Variants in MRC2 observed in about 807,000 individuals in gnomAD.
The protein encoded by MRC2 is mannose receptor C-type 2.
MRC2 carries 84 observed loss-of-function variants against 206.2 expected under a neutral mutation model. The observed-to-expected ratio is 0.41, with a 90% confidence interval of 0.34 to 0.49. The LOEUF (loss-of-function observed/expected upper bound fraction) is 0.49. Among genes scored for constraint, MRC2 ranks in the 20% least tolerant of loss-of-function variants. The pLI, the probability that MRC2 is intolerant of heterozygous loss-of-function variation, is 0.31. For synonymous variants in MRC2, 798 were observed against 800.0 expected (o/e 1.00, Z 0.04); for missense variants, 1,676 against 2,001.5 (o/e 0.84, Z 3.10).
intron 12 of MRC2, 33 bp downstream of exon 12, chr17:62,677,519 G>T (rs2088909440): frequency 1.9e-6 from 3 of 1,546,948 alleles, no homozygotes; most frequent in Non-Finnish European, 2.6e-6. Flanking sequence ...TAGGGGGCAG[G>T]GGGAGGACAG....
chr17:62,627,983 C>T (rs1256309681), intron 1 of MRC2, 63 bp downstream of exon 1: 3 of 1,139,792 alleles, frequency 2.6e-6, no homozygotes, highest in East Asian at 6.4e-5. Flanking sequence ...AGGCGCGGGC[C>T]GCTCTCGACT....
At position 62,664,804 on chromosome 17, in the gene MRC2, A is replaced by C; in HGVS notation, c.375A>C (p.Thr125=). The C allele has an allele frequency of 6.2e-7, 1 of 1,613,920 alleles. No homozygotes were observed. The highest frequency in any genetic ancestry group is 1.1e-5 in the South Asian group (1 of 91,080). Residue 125 remains threonine (T), a synonymous_variant, in exon 2 of 30, where the codon ACA becomes ACC. Coordinates refer to ENST00000303375, the MANE Select transcript of MRC2 (RefSeq NM_006039.5). This position sits in a 1 kb window ranked among gnomAD's most constrained non-coding sequence, Gnocchi z 4.7. Reference sequence around the variant, plus strand: ...TGAATCTTCGCTGGCATTGTCGTACACTGGGTGACCAGCTGTCCTTGCTCC... The same window carrying C: ...TGAATCTTCGCTGGCATTGTCGTACCCTGGGTGACCAGCTGTCCTTGCTCC... ...EALNLRWHCR[T]LGDQLSLLLG...
chr17:62,675,929 A>G lies in MRC2; in HGVS notation c.1685+24A>G, dbSNP rs2088886707. 1.3e-6 allele frequency: 2 copies of G among 1,597,962 alleles called. No homozygotes were observed. The highest frequency in any genetic ancestry group is 1.3e-5 in the African/African-American group (1 of 74,594). ...AGGTACAGCAGGGGCGGGTGCCCTG[A>G]CTAGCCCTTGCCCATGTCTGGGCCT... On this transcript the variant is annotated intron_variant, in intron 10 of 29. Transcript: ENST00000303375. This position sits in a 1 kb window ranked among gnomAD's most constrained non-coding sequence, Gnocchi z 4.1.
chr17:62,638,777 G>A (rs1250105542), intron 1 of MRC2, among the ~76,000 whole-genome samples: 1 of 150,202 alleles, frequency 6.7e-6, no homozygotes, highest in Non-Finnish European at 1.5e-5. Context: ...AATTAGCCAG[G>A]CGTGGTGGTG....
intron 20 of MRC2, among the ~76,000 whole-genome samples, chr17:62,687,449 C>T (rs534174615): frequency 6.6e-6 from 1 of 152,148 alleles, no homozygotes; most frequent in African/African-American, 2.4e-5. Context: ...TGTGAGCCAC[C>T]GTGCCTGGCC....
At chr17:62,682,738 T>C (rs1158155330) in intron 20 of MRC2, among the ~76,000 whole-genome samples, 1 of 150,584 alleles carries the variant, frequency 6.6e-6, no homozygotes, top group Non-Finnish European at 1.5e-5. Flanking sequence ...GCTTCCTGGG[T>C]TCAACCAATT....
chr17:62,658,418 C>T (rs573341405), intron 1 of MRC2, among the ~76,000 whole-genome samples: 19 of 152,292 alleles, frequency 1.2e-4, no homozygotes, highest in African/African-American at 4.6e-4. Flanking sequence ...AGCTGTGCCT[C>T]ATGTGACAAA....
chr17:62,680,570 G>T lies in MRC2; in HGVS notation c.2473+117G>T. 1 of 1,459,774 alleles carries T rather than the reference G, an allele frequency of 6.9e-7. No homozygotes were observed. The allele number at this position is 1,459,774 out of a possible 1,614,324, so 90.4% of individuals were successfully genotyped here. ...GGATGAGGAGTTCCGGTCGAGAGAA[G>T]GGGGACGGGGTTGGCTCGGACGGAG... On this transcript the variant is annotated intron_variant, in intron 16 of 29. Coordinates refer to ENST00000303375, the MANE Select transcript of MRC2 (RefSeq NM_006039.5). The surrounding 1 kb of genome is among the most constrained non-coding windows in gnomAD (Gnocchi z 4.8).
intron 1 of MRC2, among the ~76,000 whole-genome samples, chr17:62,629,235 G>GCCT (rs1417206150): frequency 1.3e-5 from 2 of 152,182 alleles, no homozygotes; most frequent in Non-Finnish European, 2.9e-5. Context: ...GCCTCAGGAG[G>GCCT]CAGGCGGTGG....
rs1369025756 is a variant in MRC2, at chr17:62,688,364, G to A, written c.3022G>A (p.Glu1008Lys). The A allele has an allele frequency of 6.2e-7, 1 of 1,614,098 alleles. No individual in the cohort carries two copies. Among genetic ancestry groups the A allele is most frequent in the Non-Finnish European group, 8.5e-7 (1 of 1,180,042 alleles). The change falls in exon 21 of 30, where the codon GAG becomes AAG. Residue 1008 changes from glutamate to lysine, a missense_variant. Glu to Lys is a moderately conservative substitution (Grantham distance 56). This residue lies in a region of MRC2 where 1,354 missense variants were observed against 1,636.6 expected (regional missense o/e 0.83). Transcript: ENST00000303375. The part of the protein sequence containing the change: ...SEAQFSCEQQ[E>K]AQLVTITNPL... ...GGCACAGTTCTCCTGTGAACAGCAA[G>A]AGGCCCAGCTGGTCACCATCACAAA...
At chr17:62,665,044 T>A (rs754302518) in intron 2 of MRC2, 95 bp downstream of exon 2, 15 of 1,338,526 alleles carry the variant, frequency 1.1e-5, no homozygotes, top group Non-Finnish European at 1.5e-5. Flanking sequence ...GCCTTTGGCC[T>A]CTGTGGACCC....
chr17:62,690,488 A>C (rs545521270), intron 26 of MRC2, among the ~76,000 whole-genome samples, 154 bp from the exon 27 acceptor site: 9 of 151,928 alleles, frequency 5.9e-5, no homozygotes, highest in African/African-American at 1.9e-4. Flanking sequence ...CTGCCCCCCC[A>C]CACACTTGCA....
rs756780814 is a variant in MRC2 at position 62,677,368 on chromosome 17, G to A, written c.1934G>A (p.Arg645Gln). Residue 645 changes from arginine (R) to glutamine (Q), a missense_variant, in exon 12 of 30, where the codon CGG becomes CAG. Physicochemically the swap from Arg to Gln is conservative, Grantham distance 43 (BLOSUM62 1). Coordinates refer to ENST00000303375, the MANE Select transcript of MRC2 (RefSeq NM_006039.5). ...TCGTTCCGGGCCCGCTACATCTGCC[G>A]GCAGAGCCTGGGCACTCCAGTGACG... ...CTSFRARYIC[R>Q]QSLGTPVTPE... 22 of 1,609,960 alleles carry A rather than the reference G, an allele frequency of 1.4e-5. No homozygotes were observed. The highest frequency in any genetic ancestry group is 2.2e-5 in the East Asian group (1 of 44,774).
At position 62,666,029 on chromosome 17, in the gene MRC2, T is replaced by C. The variant is rs1395357355; in HGVS notation, c.521-65T>C. Reference sequence around the variant, plus strand: ...GGTTTTAGGGGATTTCTCCTGAGGGTCGAGGGGCTTGGCAGCCTCTGGTGT... The same window carrying C: ...GGTTTTAGGGGATTTCTCCTGAGGGCCGAGGGGCTTGGCAGCCTCTGGTGT... On this transcript the variant is annotated intron_variant, in intron 2 of 29. Coordinates refer to ENST00000303375, the MANE Select transcript of MRC2 (RefSeq NM_006039.5). This position sits in a 1 kb window ranked among gnomAD's most constrained non-coding sequence, Gnocchi z 5.0. The C allele has an allele frequency of 3.3e-6, 5 of 1,497,992 alleles. No homozygotes were observed. Among genetic ancestry groups the C allele is most frequent in the Non-Finnish European group, 4.5e-6 (5 of 1,114,794 alleles). The allele number at this position is 1,497,992 out of a possible 1,614,324, so 92.8% of individuals were successfully genotyped here.
At chr17:62,688,429 C>A in intron 21 of MRC2, 26 bp downstream of exon 21, 1 of 1,614,078 alleles carries the variant, frequency 6.2e-7, no homozygotes, top group South Asian at 1.1e-5. Context: ...GGGGAGCCCC[C>A]AGTATCCTCT....
chr17:62,681,383 C>A, intron 18 of MRC2: 1 of 564,466 alleles, frequency 1.8e-6, no homozygotes, highest in Non-Finnish European at 3.1e-6. Flanking sequence ...ACATTAGTTA[C>A]TAAATAATGG....
Position 62,692,334 on chromosome 17 carries a change from C to T in MRC2, c.4323C>T (p.Ser1441=), listed in dbSNP as rs1411185154. ...TCATCCTTTACCGGAGGCGCCAGAG[C>T]ATCGAGCGCGGGGCCTTTGAGGGTG... ...AALILYRRRQ[S]IERGAFEGAR... Residue 1441 remains serine, a synonymous_variant, in exon 30 of 30, where the codon AGC becomes AGT. Transcript: ENST00000303375. The surrounding 1 kb of genome is among the most constrained non-coding windows in gnomAD (Gnocchi z 4.2). The T allele has an allele frequency of 6.3e-7, 1 of 1,578,234 alleles. No individual in the cohort carries two copies. The highest frequency in any genetic ancestry group is 1.3e-5 in the African/African-American group (1 of 74,414).
intron 1 of MRC2, among the ~76,000 whole-genome samples, chr17:62,629,731 G>T (rs1480424665): frequency 6.6e-6 from 1 of 152,248 alleles, no homozygotes; most frequent in Non-Finnish European, 1.5e-5. Context: ...TGCCCGAAGA[G>T]CTGGCAGCCC....
At chr17:62,677,157 TG>T in intron 11 of MRC2, 111 bp from the exon 12 acceptor site, 1 of 838,648 alleles carries the variant, frequency 1.2e-6, no homozygotes, top group Non-Finnish European at 1.8e-6. Context: ...TCTGAAGAGG[TG>T]GCCAAGCTGG....
Sources: gnomAD v4.1 joint callset for allele counts (sites outside exome capture counted in the v4.1 genomes callset) on GRCh38, gnomAD v4.1.1 for gene constraint, gnomAD v4.1.1 regional missense constraint, Gnocchi (gnomAD v3.1) non-coding constraint, MANE v1.5 for transcripts, NCBI Gene and HGNC (gene_info 2026-07-23, HGNC 2026-07-21) for gene names.